ROR2: variants seen among roughly 807,000 people sequenced by gnomAD.
The protein encoded by ROR2 is tyrosine-protein kinase transmembrane receptor ROR2.
Under a neutral mutation model 74.9 loss-of-function variants are expected in ROR2, and 33 were observed. The observed-to-expected ratio is 0.44, with a 90% CI of 0.33 to 0.59. The LOEUF (loss-of-function observed/expected upper bound fraction) is 0.59, where lower values mean the gene tolerates loss of function less well. Among genes scored for constraint, ROR2 ranks in the 20% least tolerant of loss-of-function variants. ROR2 has a pLI of 0.02. For synonymous variants in ROR2, 586 were observed against 558.7 expected (o/e 1.05, Z -0.69); for missense variants, 1,216 against 1,313.8 (o/e 0.93, Z 1.15).
chr9:91,893,788 C>T (rs116022841), intron 1 of ROR2, among the ~76,000 whole-genome samples: 2,562 of 152,230 alleles, frequency 0.017, 79 homozygotes, highest in African/African-American at 0.059. Context: ...CCACCATCCT[C>T]TCCCCTGCCA....
chr9:91,798,893 G>A (rs570372600), intron 1 of ROR2, among the ~76,000 whole-genome samples: 57 of 152,220 alleles, frequency 3.7e-4, no homozygotes, highest in African/African-American at 1.3e-3. Context: ...AGAAGCAGGC[G>A]GGAGAGATAC....
intron 1 of ROR2, among the ~76,000 whole-genome samples, chr9:91,810,790 C>G (rs1827725568): frequency 6.6e-6 from 1 of 152,160 alleles, no homozygotes; most frequent in Non-Finnish European, 1.5e-5. Context: ...CCAGTGGAGT[C>G]TACGTTTGCG....
chr9:91,907,124 G>A (rs767117618), intron 1 of ROR2, among the ~76,000 whole-genome samples: 12 of 152,172 alleles, frequency 7.9e-5, no homozygotes, highest in East Asian at 1.9e-4. Flanking sequence ...TCACAGCAGC[G>A]TATGAAATCC....
chr9:91,723,452 C>T lies in ROR2; in HGVS notation c.*210G>A. The stretch of plus-strand genomic sequence containing the variant: ...TCCCCAGGACGCCGTGCTGCCAGAC[C>T]CCCTGCCTGGCTTGGGTGCTCCTAG... On this transcript the variant is annotated 3_prime_UTR_variant, in exon 9 of 9. Coordinates refer to ENST00000375708, the MANE Select transcript of ROR2 (RefSeq NM_004560.4). The T allele has an allele frequency of 1.4e-6, 1 of 691,306 alleles. No individual in the cohort carries two copies. Among genetic ancestry groups the T allele is most frequent in the Non-Finnish European group, 2.4e-6 (1 of 419,194 alleles). 42.8% of individuals were successfully genotyped at this position (691,306 alleles called of 1,614,324 possible).
intron 1 of ROR2, among the ~76,000 whole-genome samples, chr9:91,909,043 CG>C (rs762965225): frequency 6.6e-5 from 10 of 152,280 alleles, no homozygotes; most frequent in Non-Finnish European, 1.2e-4. Context: ...TGCAAAGCAC[CG>C]GAGTCCACAG....
chr9:91,832,367 C>CAAAAAAAA (rs10677451), intron 1 of ROR2, among the ~76,000 whole-genome samples: 14 of 38,338 alleles, frequency 3.7e-4, no homozygotes, highest in East Asian at 1.2e-3. Flanking sequence ...GTCACAATGG[C>CAAAAAAAA]AAAAAAAAAA....
rs1168780027 is a variant in ROR2 at position 91,813,890 on chromosome 9, T to G, written c.98-38072A>C. Among the ~76,000 whole-genome samples, 4 of 152,130 alleles carry G rather than the reference T, an allele frequency of 2.6e-5. No homozygotes were observed. The East Asian group carries it at 7.7e-4, about 29-fold the overall frequency. On this transcript the variant is annotated intron_variant, in intron 1 of 8. Coordinates refer to ENST00000375708, the MANE Select transcript of ROR2 (RefSeq NM_004560.4). ...GACACTGGAAATGAGCAAAACTCAC[T>G]CAGAAAACTTAAAGGGGGCAGCAAG...
intron 1 of ROR2, among the ~76,000 whole-genome samples, chr9:91,782,531 A>G (rs1826651473): frequency 6.6e-6 from 1 of 151,580 alleles, no homozygotes; most frequent in Admixed American, 6.6e-5. Flanking sequence ...TGGAAGAAGA[A>G]TAATTGTCTT....
chr9:91,797,127 ACACCCTGGGCTCTGTGGGTG>A, intron 1 of ROR2, among the ~76,000 whole-genome samples: 1 of 75,018 alleles, frequency 1.3e-5, no homozygotes. Flanking sequence ...GGTGGGGCTG[ACACCCTGGGCTCTGTGGGTG>A]GGGAATGACA....
intron 1 of ROR2, among the ~76,000 whole-genome samples, chr9:91,838,354 C>T (rs1828676750): frequency 6.6e-6 from 1 of 152,194 alleles, no homozygotes; most frequent in African/African-American, 2.4e-5. Context: ...AGTGCGCACA[C>T]AGTGTTGAGT....
At chr9:91,772,748 A>T (rs137884675) in intron 2 of ROR2, among the ~76,000 whole-genome samples, 1 of 152,182 alleles carries the variant, frequency 6.6e-6, no homozygotes, top group Non-Finnish European at 1.5e-5. Flanking sequence ...CTGAACACAC[A>T]TGGTTTTTAA....
intron 2 of ROR2, among the ~76,000 whole-genome samples, chr9:91,766,521 C>T (rs146228772): frequency 3.3e-5 from 5 of 152,306 alleles, no homozygotes; most frequent in African/African-American, 9.6e-5. Flanking sequence ...CCATTTTCAA[C>T]GTCATCGATT....
intron 1 of ROR2, among the ~76,000 whole-genome samples, chr9:91,904,042 GTT>G (rs551800062): frequency 2.2e-4 from 28 of 126,616 alleles, no homozygotes; most frequent in Admixed American, 1.7e-3. Context: ...TTTTGTTTTT[GTT>G]TTTTTTTGGG....
In ROR2 at chr9:91,862,027, TAAG is replaced by T. The variant is rs908441399; in HGVS notation, c.98-86212_98-86210del. 6.6e-5 allele frequency among the ~76,000 whole-genome samples: 10 copies of T among 151,948 alleles called. No individual in the cohort carries two copies. The East Asian group carries it at 9.7e-4, about 15-fold the overall frequency. ...CCCCATGATGAGATTGGTGCCCTTA[TAAG>T]AAGAAGAAGAAGGCCGGGCATGGTG... On this transcript the variant is annotated intron_variant, in intron 1 of 8. Coordinates refer to ENST00000375708, the MANE Select transcript of ROR2 (RefSeq NM_004560.4).
intron 1 of ROR2, among the ~76,000 whole-genome samples, chr9:91,819,638 T>A (rs1828071323): frequency 1.9e-5 from 1 of 53,752 alleles, no homozygotes; most frequent in African/African-American, 6.9e-5. Context: ...TGTGTTGGTG[T>A]GTTTCTGTGT....
At chr9:91,802,770 G>C (rs555566011) in intron 1 of ROR2, among the ~76,000 whole-genome samples, 1 of 152,170 alleles carries the variant, frequency 6.6e-6, no homozygotes, top group African/African-American at 2.4e-5. Flanking sequence ...AGGTTTTCCT[G>C]GTCTCCCAAT....
At chr9:91,853,155 G>A (rs1829166089) in intron 1 of ROR2, among the ~76,000 whole-genome samples, 1 of 152,216 alleles carries the variant, frequency 6.6e-6, no homozygotes, top group South Asian at 2.1e-4. Context: ...CCTGGGGTTG[G>A]GCCTTTGCCC....
At position 91,830,794 on chromosome 9, in the gene ROR2, CTAAA is replaced by C. The variant is rs147499748; in HGVS notation, c.98-54980_98-54977del. Among the ~76,000 whole-genome samples, 34 of 145,908 alleles carry C rather than the reference CTAAA, an allele frequency of 2.3e-4. No homozygotes were observed. The East Asian group carries it at 6.3e-3, about 27-fold the overall frequency. On this transcript the variant is annotated intron_variant, in intron 1 of 8. Transcript: ENST00000375708. The stretch of plus-strand genomic sequence containing the variant: ...TTAGTATGAATACATTTTACCAAAA[CTAAA>C]TAACTGTGTCCGTGTGTGTGTGTGT...
chr9:91,878,843 C>T (rs1036842000), intron 1 of ROR2, among the ~76,000 whole-genome samples: 2 of 152,048 alleles, frequency 1.3e-5, no homozygotes, highest in South Asian at 2.1e-4. Flanking sequence ...TTTGGGAGGC[C>T]GAGACGGGCA....
Sources: gnomAD v4.1 joint callset for allele counts (sites outside exome capture counted in the v4.1 genomes callset) on GRCh38, gnomAD v4.1.1 for gene constraint, MANE v1.5 for transcripts, NCBI Gene and HGNC (gene_info 2026-07-23, HGNC 2026-07-21) for gene names.